MACROD2: variants seen among roughly 807,000 people sequenced by gnomAD.
MACROD2 encodes the protein mono-ADP ribosylhydrolase 2, also known as ADP-ribose glycohydrolase MACROD2.
A neutral mutation model predicts 70.4 loss-of-function variants in MACROD2; 36 were observed. The observed-to-expected ratio is 0.51, with a 90% CI of 0.39 to 0.68. MACROD2 has a LOEUF of 0.68. Among genes scored for constraint, MACROD2 ranks in the 30% least tolerant of loss-of-function variants. The probability of loss-of-function intolerance (pLI) is 0.00; values close to 1 mark genes in which losing one functional copy is unlikely to be tolerated. For missense variants in MACROD2, 496 were observed against 538.4 expected (o/e 0.92, Z 0.78); for synonymous variants, 172 against 178.8 (o/e 0.96, Z 0.30).
chr20:14,056,177 G>A (rs1211827728), intron 2 of MACROD2, among the ~76,000 whole-genome samples: 2 of 151,758 alleles, frequency 1.3e-5, no homozygotes, highest in African/African-American at 4.8e-5. Context: ...TGTCTGTTTT[G>A]TTCAGTTTAA....
intron 3 of MACROD2, among the ~76,000 whole-genome samples, chr20:14,214,453 A>G (rs746254950): frequency 6.6e-6 from 1 of 152,154 alleles, no homozygotes; most frequent in Non-Finnish European, 1.5e-5. Context: ...TGTATTGAAC[A>G]CAATGGAAGT....
intron 8 of MACROD2, among the ~76,000 whole-genome samples, chr20:15,524,083 A>T (rs2047687760): frequency 6.6e-6 from 1 of 152,184 alleles, no homozygotes; most frequent in African/African-American, 2.4e-5. Context: ...CTGTGTGCAC[A>T]TTCATGTTTG....
intron 6 of MACROD2, 111 bp from the exon 7 acceptor site, chr20:15,431,294 A>G (rs1438417821): frequency 1.4e-5 from 13 of 924,100 alleles, no homozygotes; most frequent in Non-Finnish European, 2.1e-5. Context: ...ATAGCTCTGA[A>G]TATGTAAGTA....
chr20:15,911,757 C>T (rs1213779705), intron 10 of MACROD2, among the ~76,000 whole-genome samples: 1 of 152,166 alleles, frequency 6.6e-6, no homozygotes, highest in African/African-American at 2.4e-5. Context: ...AGGAAACAGA[C>T]ATGTGGAAAA....
intron 5 of MACROD2, among the ~76,000 whole-genome samples, chr20:14,880,172 T>C (rs1386700663): frequency 6.6e-6 from 1 of 152,102 alleles, no homozygotes; most frequent in Non-Finnish European, 1.5e-5. Flanking sequence ...GAGATAGAAG[T>C]GAGTCTCTTG....
intron 3 of MACROD2, among the ~76,000 whole-genome samples, chr20:14,303,960 C>A (rs754063521): frequency 6.6e-5 from 10 of 152,144 alleles, no homozygotes; most frequent in Admixed American, 1.3e-4. Context: ...AATACCATGA[C>A]CTCTTAGCTC....
At chr20:14,460,361 A>C (rs999673692) in intron 3 of MACROD2, among the ~76,000 whole-genome samples, 3 of 152,052 alleles carry the variant, frequency 2.0e-5, no homozygotes, top group South Asian at 4.2e-4. Context: ...AAACCTTCCT[A>C]TTTCTCCACA....
chr20:14,542,166 G>A (rs1440519380), intron 4 of MACROD2, among the ~76,000 whole-genome samples: 2 of 152,206 alleles, frequency 1.3e-5, no homozygotes, highest in East Asian at 3.9e-4. Flanking sequence ...GTTGACCGCA[G>A]TCGCCATCAC....
intron 5 of MACROD2, among the ~76,000 whole-genome samples, chr20:15,096,210 GT>G (rs1601067868): frequency 6.6e-6 from 1 of 152,128 alleles, no homozygotes; most frequent in East Asian, 1.9e-4. Context: ...GGGCCAAAGA[GT>G]TTGATTTGAT....
intron 7 of MACROD2, among the ~76,000 whole-genome samples, chr20:15,463,328 G>T (rs1259239236): frequency 6.6e-6 from 1 of 152,194 alleles, no homozygotes; most frequent in African/African-American, 2.4e-5. Flanking sequence ...GGAAGTAATG[G>T]GTGGGAAGAG....
At chr20:15,239,597 C>T (rs956400073) in intron 6 of MACROD2, among the ~76,000 whole-genome samples, 6 of 152,114 alleles carry the variant, frequency 3.9e-5, no homozygotes, top group African/African-American at 1.4e-4. Context: ...ATACGAGTAA[C>T]TTTAGTGCAG....
chr20:15,720,228 T>C (rs2050768735), intron 8 of MACROD2, among the ~76,000 whole-genome samples: 1 of 152,222 alleles, frequency 6.6e-6, no homozygotes, highest in Admixed American at 6.5e-5. Flanking sequence ...ATTCCATATC[T>C]TGACTATTGT....
intron 8 of MACROD2, among the ~76,000 whole-genome samples, chr20:15,809,881 T>A (rs1339319597): frequency 6.7e-6 from 1 of 150,134 alleles, no homozygotes; most frequent in African/African-American, 2.5e-5. Context: ...TTTTTTATTA[T>A]ACTTTAAGTT....
chr20:14,111,391 A>T (rs2054449321), intron 3 of MACROD2, among the ~76,000 whole-genome samples: 1 of 152,044 alleles, frequency 6.6e-6, no homozygotes, highest in Non-Finnish European at 1.5e-5. Context: ...AAGCTTCTGC[A>T]CAGTAAATGA....
At chr20:14,674,935 AG>A (rs969654706) in intron 4 of MACROD2, among the ~76,000 whole-genome samples, 3 of 152,226 alleles carry the variant, frequency 2.0e-5, no homozygotes, top group African/African-American at 7.2e-5. Flanking sequence ...TTACAAAAAA[AG>A]ATTAAATAAA....
At chr20:14,895,806 A>G (rs994817131) in intron 5 of MACROD2, among the ~76,000 whole-genome samples, 1 of 152,160 alleles carries the variant, frequency 6.6e-6, no homozygotes, top group African/African-American at 2.4e-5. Flanking sequence ...TCTAGTTGAG[A>G]TTTTTATAAT....
At chr20:14,468,596 T>C (rs1288355997) in intron 3 of MACROD2, among the ~76,000 whole-genome samples, 1 of 151,740 alleles carries the variant, frequency 6.6e-6, no homozygotes, top group African/African-American at 2.4e-5. Context: ...CACTGCAACC[T>C]CCGCCTCCCG....
chr20:15,710,062 A>G (rs1329551700), intron 8 of MACROD2, among the ~76,000 whole-genome samples: 1 of 152,176 alleles, frequency 6.6e-6, no homozygotes, highest in African/African-American at 2.4e-5. Context: ...GACACTTCTC[A>G]AAAGAAGACA....
intron 7 of MACROD2, among the ~76,000 whole-genome samples, chr20:15,436,224 C>T (rs796783752): frequency 8.6e-5 from 13 of 151,952 alleles, no homozygotes; most frequent in East Asian, 7.8e-4. Flanking sequence ...CCTGAGACTC[C>T]GTAATTCACA....
Sources: allele counts gnomAD v4.1 joint callset (sites outside exome capture counted in the v4.1 genomes callset), GRCh38; gene constraint gnomAD v4.1.1; transcripts MANE v1.5; gene names NCBI Gene and HGNC (gene_info 2026-07-23, HGNC 2026-07-21).